The following SLC35C1 variants were observed in gnomAD, a reference collection of about 807,000 sequenced individuals.
SLC35C1 encodes the protein solute carrier family 35 member C1, also known as GDP-fucose transporter 1.
SLC35C1 carries 8 observed loss-of-function variants against 23.2 expected under a neutral mutation model. That is an observed-to-expected ratio of 0.35 (90% CI 0.20 to 0.62). SLC35C1 has a LOEUF of 0.62. SLC35C1 is among the 20% of genes least tolerant of loss of function. SLC35C1 has a pLI of 0.75. For synonymous variants in SLC35C1, 226 were observed against 225.1 expected, an observed-to-expected ratio of 1.00 and a Z score of -0.04; for missense variants, 422 against 478.6, an observed-to-expected ratio of 0.88 and a Z score of 1.10.
Position 45,812,275 on chromosome 11 carries a change from G to T in SLC35C1, c.*940G>T, listed in dbSNP as rs546958442. The T allele has an allele frequency of 7.0e-6, 2 of 287,310 alleles. No homozygotes were observed. The highest frequency in any genetic ancestry group is 1.4e-5 in the Non-Finnish European group (2 of 141,110). The allele number at this position is 287,310 out of a possible 1,614,324, so 17.8% of individuals were successfully genotyped here. On this transcript the variant is annotated 3_prime_UTR_variant, in exon 2 of 2. Coordinates refer to ENST00000314134, the MANE Select transcript of SLC35C1 (RefSeq NM_018389.5). ...GCCTTCCACCCCAGCTGTGTCTGGC[G>T]CCCCTAGATCTCTGCAAGGGAGGTG...
chr11:45,808,732 G>A (rs1415325926), intron 1 of SLC35C1, among the ~76,000 whole-genome samples: 1 of 152,324 alleles, frequency 6.6e-6, no homozygotes, highest in Middle Eastern at 3.4e-3. Context: ...GCTGGGCATG[G>A]TGGCTCATGC....
chr11:45,807,778 C>G (rs10444289), intron 1 of SLC35C1, among the ~76,000 whole-genome samples: 3 of 152,170 alleles, frequency 2.0e-5, no homozygotes, highest in African/African-American at 2.4e-5. Flanking sequence ...CAAGACCCCC[C>G]CTGCCAGAAC....
chr11:45,806,206 C>T lies in SLC35C1; in HGVS notation c.405C>T (p.Leu135=). 10 of 1,605,828 alleles carry T rather than the reference C, an allele frequency of 6.2e-6. No homozygotes were observed. Among genetic ancestry groups the T allele is most frequent in the Non-Finnish European group, 7.6e-6 (9 of 1,179,980 alleles). Residue 135 remains leucine (L), a synonymous_variant, in exon 1 of 2, where the codon CTC becomes CTT. Transcript: ENST00000314134. The part of the protein sequence containing the change: ...IGMITFNNLC[L]KYVGVAFYNV... The stretch of plus-strand genomic sequence containing the variant: ...TGATCACCTTCAATAACCTCTGCCT[C>T]AAGTACGTCGGTGTGGCCTTCTACA...
rs2085924764 is a variant in SLC35C1, at chr11:45,810,322, A to AAATGAC, written c.536-454_536-453insAATGAC. 4 of 985,286 alleles carry AAATGAC rather than the reference A, an allele frequency of 4.1e-6. No individual in the cohort carries two copies. The South Asian group carries it at 1.4e-4, about 35-fold the overall frequency. The allele number at this position is 985,286 out of a possible 1,614,324, so 61.0% of individuals were successfully genotyped here. The stretch of plus-strand genomic sequence containing the variant: ...AGCCAAGGCTTAGACACTGGAAGTC[A>AAATGAC]TTTACGCAGGGTCACCTTAAATCAC... On this transcript the variant is annotated intron_variant, in intron 1 of 1. Transcript: ENST00000314134.
chr11:45,805,334 T>TCCC lies in SLC35C1; in HGVS notation c.-468_-467insCCC. ...AGCTCCCTGTACGCCTCCCTCCCCC[T>TCCC]GCCCGCCCCTCCCTCCCACAGCCGC... is the stretch of plus-strand genomic sequence containing the variant. On this transcript the variant is annotated 5_prime_UTR_variant, in exon 1 of 2. Coordinates refer to ENST00000314134, the MANE Select transcript of SLC35C1 (RefSeq NM_018389.5). 4.8e-6 allele frequency: 1 copy of TCCC among 209,614 alleles called. No individual in the cohort carries two copies. Among genetic ancestry groups the TCCC allele is most frequent in the Non-Finnish European group, 5.7e-6 (1 of 174,440 alleles). The allele number at this position is 209,614 out of a possible 1,614,324, so 13.0% of individuals were successfully genotyped here.
chr11:45,806,149 C>T lies in SLC35C1; in HGVS notation c.348C>T (p.Ser116=), dbSNP rs755762331. The change falls in exon 1 of 2, where the codon AGC becomes AGT. Residue 116 remains serine (S), a synonymous_variant. Coordinates refer to ENST00000314134, the MANE Select transcript of SLC35C1 (RefSeq NM_018389.5). ...GCCTGGACCTCAGGGTGGCCCGCAG[C>T]GTCCTGCCCCTGTCGGTGGTCTTCA... ...SLRLDLRVAR[S]VLPLSVVFIG... 4 of 1,606,960 alleles carry T rather than the reference C, an allele frequency of 2.5e-6. No homozygotes were observed. The African/African-American group carries it at 4.0e-5, about 16-fold the overall frequency.
At chr11:45,806,374 A>C (rs778573585) in intron 1 of SLC35C1, 38 bp downstream of exon 1, 2 of 1,606,524 alleles carry the variant, frequency 1.2e-6, no homozygotes, top group South Asian at 2.2e-5. Context: ...TAGAGTGGTC[A>C]TGGGGACTGA....
In SLC35C1 at chr11:45,810,760, C is replaced by A. The variant is rs1285699012; in HGVS notation, c.536-16C>A. ...CTCTTCCTCACCCTTCCCCACTCCTCCTCTCCCCACTGCAGGGGGCTTCTG... is the reference window on the plus strand; with the variant it reads ...CTCTTCCTCACCCTTCCCCACTCCTACTCTCCCCACTGCAGGGGGCTTCTG... On this transcript the variant is annotated splice_polypyrimidine_tract_variant and intron_variant, in intron 1 of 1. Coordinates refer to ENST00000314134, the MANE Select transcript of SLC35C1 (RefSeq NM_018389.5). 4 of 1,606,476 alleles carry A rather than the reference C, an allele frequency of 2.5e-6. No homozygotes were observed. Among genetic ancestry groups the A allele is most frequent in the Non-Finnish European group, 2.6e-6 (3 of 1,175,748 alleles).
chr11:45,809,958 G>A, intron 1 of SLC35C1: 2 of 985,074 alleles, frequency 2.0e-6, no homozygotes, highest in South Asian at 9.4e-5. Context: ...GATTCCCCAG[G>A]AGAAGCCAAC....
upstream of SLC35C1, chr11:45,805,100 G>C (rs2085853175): frequency 6.1e-6 from 6 of 985,798 alleles, no homozygotes; most frequent in African/African-American, 1.0e-4. Context: ...AAGGCCACGT[G>C]GGGGCGTGTC....
Position 45,805,403 on chromosome 11 carries a change from CT to C in SLC35C1, c.-395del. 1 of 1,026,862 alleles carries C rather than the reference CT, an allele frequency of 9.7e-7. No individual in the cohort carries two copies. Among genetic ancestry groups the C allele is most frequent in the Non-Finnish European group, 1.2e-6 (1 of 853,562 alleles). The allele number at this position is 1,026,862 out of a possible 1,614,324, so 63.6% of individuals were successfully genotyped here. ...ACCTCTTCCCACTCTGCCACGCGTC[CT>C]TTTCCTGCACCTTCGCCCCGCGTAC... On this transcript the variant is annotated 5_prime_UTR_variant, in exon 1 of 2. An upstream open reading frame in the 5' UTR loses its in-frame stop. Transcript: ENST00000314134.
intron 1 of SLC35C1, chr11:45,810,131 G>A (rs985107620): frequency 3.0e-6 from 3 of 985,304 alleles, no homozygotes; most frequent in Admixed American, 6.2e-5. Context: ...CGCCTGCCAC[G>A]CCAAGGAGTG....
chr11:45,810,649 C>CT, intron 1 of SLC35C1, 127 bp from the exon 2 acceptor site: 1 of 1,455,366 alleles, frequency 6.9e-7, no homozygotes. Flanking sequence ...GGAGGGAGGC[C>CT]TGGGGAGGAA....
intron 1 of SLC35C1, among the ~76,000 whole-genome samples, chr11:45,807,800 G>A (rs560427625): frequency 6.6e-6 from 1 of 152,240 alleles, no homozygotes; most frequent in Admixed American, 6.5e-5. Flanking sequence ...CTCCCAGCCT[G>A]CTTCCATTTC....
chr11:45,806,427 T>C, intron 1 of SLC35C1, 91 bp downstream of exon 1: 1 of 1,480,884 alleles, frequency 6.8e-7, no homozygotes, highest in South Asian at 1.2e-5. Context: ...GGACTTCATC[T>C]GTCCCAGCTC....
chr11:45,812,348 C>T lies in SLC35C1; in HGVS notation c.*1013C>T. 2.8e-6 allele frequency: 1 copy of T among 359,716 alleles called. No individual in the cohort carries two copies. Among genetic ancestry groups the T allele is most frequent in the South Asian group, 2.1e-5 (1 of 48,168 alleles). 22.3% of individuals were successfully genotyped at this position (359,716 alleles called of 1,614,324 possible). On this transcript the variant is annotated 3_prime_UTR_variant, in exon 2 of 2. Coordinates refer to ENST00000314134, the MANE Select transcript of SLC35C1 (RefSeq NM_018389.5). ...TGCCTTGTGATGGTAAGACACCAAC[C>T]TTTACATTCTTCCCTGAGGTTGTGG...
Position 45,812,836 on chromosome 11 carries a change from T to C in SLC35C1, c.*1501T>C, listed in dbSNP as rs2085965807. 2.8e-6 allele frequency: 1 copy of C among 360,512 alleles called. No individual in the cohort carries two copies. Among genetic ancestry groups the C allele is most frequent in the Non-Finnish European group, 5.5e-6 (1 of 182,220 alleles). The allele number at this position is 360,512 out of a possible 1,614,324, so 22.3% of individuals were successfully genotyped here. ...GTCCCTGGCCCTTCTGGTGGGCATT[T>C]GGTATGTCCTTTCTCTTGGGGTGAT... On this transcript the variant is annotated 3_prime_UTR_variant, in exon 2 of 2. Coordinates refer to ENST00000314134, the MANE Select transcript of SLC35C1 (RefSeq NM_018389.5).
intron 1 of SLC35C1, 33 bp from the exon 2 acceptor site, chr11:45,810,743 C>T (rs748266574): frequency 1.0e-4 from 161 of 1,599,494 alleles, no homozygotes; most frequent in Non-Finnish European, 1.3e-4. Context: ...CCCTCTTCCT[C>T]ACCCTTCCCC....
At position 45,806,344 on chromosome 11, in the gene SLC35C1, G is replaced by A. The variant is rs1384345682; in HGVS notation, c.535+8G>A. ...CCTGCGGTATCATCATCGGTGAGTGGCAGCTGGGGCCACGGGGGATAGAGT... is the reference window on the plus strand; with the variant it reads ...CCTGCGGTATCATCATCGGTGAGTGACAGCTGGGGCCACGGGGGATAGAGT... On this transcript the variant is annotated splice_region_variant and intron_variant, in intron 1 of 1. Coordinates refer to ENST00000314134, the MANE Select transcript of SLC35C1 (RefSeq NM_018389.5). The A allele has an allele frequency of 1.2e-6, 2 of 1,611,950 alleles. No homozygotes were observed. Among genetic ancestry groups the A allele is most frequent in the Admixed American group, 1.7e-5 (1 of 59,994 alleles).
Sources: gnomAD v4.1 joint callset for allele counts (sites outside exome capture counted in the v4.1 genomes callset) on GRCh38, gnomAD v4.1.1 for gene constraint, MANE v1.5 for transcripts, NCBI Gene and HGNC (gene_info 2026-07-23, HGNC 2026-07-21) for gene names.